Variants in PPFIA2 observed in about 807,000 individuals in gnomAD.
PPFIA2 encodes the protein liprin-alpha-2.
PPFIA2 carries 46 observed loss-of-function variants against 175.5 expected under a neutral mutation model. The ratio of observed to expected loss-of-function variants is 0.26; its 90% confidence interval spans 0.21 to 0.34. The LOEUF (loss-of-function observed/expected upper bound fraction) is 0.34, where lower values mean the gene tolerates loss of function less well. Ranked by LOEUF, PPFIA2 falls within the 10% of genes least tolerant of loss-of-function variation. The pLI, the probability that PPFIA2 is intolerant of heterozygous loss-of-function variation, is 1.00. For synonymous variants in PPFIA2, 568 were observed against 511.4 expected (o/e 1.11, Z -1.49); for missense variants, 1,179 against 1,506.1 (o/e 0.78, Z 3.60).
chr12:81,357,305 T>C (rs1349925939), intron 16 of PPFIA2, among the ~76,000 whole-genome samples: 1 of 152,210 alleles, frequency 6.6e-6, no homozygotes, highest in Non-Finnish European at 1.5e-5. Flanking sequence ...GATTAATTAA[T>C]ACATGGCATA....
intron 4 of PPFIA2, among the ~76,000 whole-genome samples, chr12:81,513,702 A>G (rs1485094368): frequency 6.6e-6 from 1 of 152,026 alleles, no homozygotes; most frequent in African/African-American, 2.4e-5. Context: ...GATTTTATGT[A>G]GTTTTAAAAA....
rs767945782 is a variant in PPFIA2, at chr12:81,264,990, G to A, written c.3556-1600C>T. ...ACTCCTTACAGTGTCGTAGCTAGGG[G>A]CTTAAAAATAAGCCAGTTTTGGCTG... On this transcript the variant is annotated intron_variant, in intron 30 of 32. Coordinates refer to ENST00000549396, the MANE Select transcript of PPFIA2 (RefSeq NM_003625.5). Among the ~76,000 whole-genome samples, 4 of 150,440 alleles carry A rather than the reference G, an allele frequency of 2.7e-5. No individual in the cohort carries two copies. The South Asian group carries it at 6.3e-4, about 24-fold the overall frequency.
chr12:81,333,643 C>T (rs1375612952), intron 21 of PPFIA2, among the ~76,000 whole-genome samples: 1 of 151,974 alleles, frequency 6.6e-6, no homozygotes. Context: ...TCTTTAAAAA[C>T]TTGCTTCCAA....
chr12:81,289,944 G>A (rs1415619678), intron 24 of PPFIA2, among the ~76,000 whole-genome samples: 1 of 151,744 alleles, frequency 6.6e-6, no homozygotes, highest in Non-Finnish European at 1.5e-5. Flanking sequence ...GAAACAGAAA[G>A]CTGGAAATTT....
At chr12:81,529,559 A>AAGAGAGAGAGAGAGAGAGAGAGAG (rs60373881) in intron 4 of PPFIA2, among the ~76,000 whole-genome samples, 1 of 145,692 alleles carries the variant, frequency 6.9e-6, no homozygotes, top group African/African-American at 2.6e-5. Context: ...GGGCAGTGGA[A>AAGAGAGAGAGAGAGAGAGAGAGAG]AGAGAGAGAG....
At chr12:81,364,795 G>T (rs1439708345) in intron 14 of PPFIA2, among the ~76,000 whole-genome samples, 1 of 151,770 alleles carries the variant, frequency 6.6e-6, no homozygotes, top group Admixed American at 6.6e-5. Context: ...TTTGATATTG[G>T]ACTAGATGTG....
chr12:81,507,370 T>C (rs1246277153), intron 4 of PPFIA2, among the ~76,000 whole-genome samples: 1 of 152,136 alleles, frequency 6.6e-6, no homozygotes, highest in African/African-American at 2.4e-5. Context: ...TCAATCTATA[T>C]CTTATGAGCT....
At chr12:81,709,210 C>CTGCTCCT (rs2077577154) in intron 3 of PPFIA2, among the ~76,000 whole-genome samples, 1 of 152,096 alleles carries the variant, frequency 6.6e-6, no homozygotes, top group Admixed American at 6.6e-5. Context: ...CTAGAAGGCT[C>CTGCTCCT]TGCTCCTTGC....
At chr12:81,280,206 T>G (rs2041744646) in intron 27 of PPFIA2, among the ~76,000 whole-genome samples, 1 of 152,180 alleles carries the variant, frequency 6.6e-6, no homozygotes, top group Admixed American at 6.5e-5. Context: ...TTAACCAAAA[T>G]GGAGAGTTTC....
chr12:81,653,804 G>T (rs1421004100), intron 4 of PPFIA2, among the ~76,000 whole-genome samples: 1 of 151,986 alleles, frequency 6.6e-6, no homozygotes. Context: ...CTTCCTCAGA[G>T]AAGTCTTCCT....
At chr12:81,484,644 A>C (rs1475195132) in intron 4 of PPFIA2, among the ~76,000 whole-genome samples, 1 of 152,020 alleles carries the variant, frequency 6.6e-6, no homozygotes, top group Non-Finnish European at 1.5e-5. Flanking sequence ...GAGAATATAC[A>C]TGCTAGGCCA....
In PPFIA2 at chr12:81,676,853, G is replaced by A. The variant is rs141551545; in HGVS notation, c.250-9C>T. The A allele has an allele frequency of 4.2e-4, 665 of 1,575,798 alleles. 3 individuals carry two copies. The African/African-American group carries it at 8.3e-3, about 20-fold the overall frequency. On this transcript the variant is annotated splice_polypyrimidine_tract_variant and intron_variant, in intron 3 of 32. Coordinates refer to ENST00000549396, the MANE Select transcript of PPFIA2 (RefSeq NM_003625.5). ...GTTAGGGATTCGATATCCTGAAAAGGGGAGAGGTGTTGATTGTAAAGTGCT... is the reference window on the plus strand; with the variant it reads ...GTTAGGGATTCGATATCCTGAAAAGAGGAGAGGTGTTGATTGTAAAGTGCT...
At chr12:81,735,233 A>G (rs1344761040) in intron 3 of PPFIA2, among the ~76,000 whole-genome samples, 2 of 151,786 alleles carry the variant, frequency 1.3e-5, no homozygotes, top group African/African-American at 2.4e-5. Flanking sequence ...CCAATTAGCA[A>G]TGTATGAAAG....
chr12:81,556,678 C>T (rs563625453), intron 4 of PPFIA2, among the ~76,000 whole-genome samples: 2 of 151,600 alleles, frequency 1.3e-5, no homozygotes, highest in South Asian at 2.1e-4. Flanking sequence ...CATTAACTTC[C>T]GTGGTTGTGG....
chr12:81,346,834 A>AAC (rs200435557), intron 18 of PPFIA2, among the ~76,000 whole-genome samples: 8 of 151,832 alleles, frequency 5.3e-5, no homozygotes, highest in Non-Finnish European at 8.8e-5. Flanking sequence ...TTATGTTAAA[A>AAC]ACACACACAC....
intron 3 of PPFIA2, among the ~76,000 whole-genome samples, chr12:81,712,384 A>C (rs1400885511): frequency 6.6e-6 from 1 of 151,426 alleles, no homozygotes; most frequent in East Asian, 2.0e-4. Context: ...AACCTCACAA[A>C]GAATATTTTT....
At chr12:81,372,513 G>GAAAAAA in intron 11 of PPFIA2, among the ~76,000 whole-genome samples, 1 of 93,632 alleles carries the variant, frequency 1.1e-5, no homozygotes, top group Non-Finnish European at 2.6e-5. Flanking sequence ...AATTGAAACA[G>GAAAAAA]AAAAAAAAAA....
At chr12:81,553,383 G>A (rs116218681) in intron 4 of PPFIA2, among the ~76,000 whole-genome samples, 17,430 of 151,956 alleles carry the variant, frequency 0.11, 1,067 homozygotes, top group Middle Eastern at 0.18. Flanking sequence ...TCCTATCTTT[G>A]CATACTCTTT....
At chr12:81,488,255 C>A (rs1367616418) in intron 4 of PPFIA2, among the ~76,000 whole-genome samples, 2 of 151,744 alleles carry the variant, frequency 1.3e-5, no homozygotes, top group African/African-American at 4.8e-5. Context: ...AGAATGAACT[C>A]CGATTTTTAT....
Sources: gnomAD v4.1 joint callset for allele counts (sites outside exome capture counted in the v4.1 genomes callset) on GRCh38, gnomAD v4.1.1 for gene constraint, MANE v1.5 for transcripts, NCBI Gene and HGNC (gene_info 2026-07-23, HGNC 2026-07-21) for gene names.